MATN4: variants seen among roughly 807,000 people sequenced by gnomAD.
MATN4 encodes matrilin 4.
In MATN4, 40 loss-of-function variants were observed where a neutral mutation model predicts 54.6. That is an observed-to-expected ratio of 0.73 (90% CI 0.57 to 0.95). MATN4 has a LOEUF of 0.95. Among genes scored for constraint, MATN4 ranks in the 40% least tolerant of loss-of-function variants. The probability of loss-of-function intolerance (pLI) is 0.00; values close to 1 mark genes in which losing one functional copy is unlikely to be tolerated. For synonymous variants in MATN4, 351 were observed against 345.3 expected (o/e 1.02, Z -0.18); for missense variants, 810 against 819.1 (o/e 0.99, Z 0.13).
chr20:45,305,802 A>ATTTTTTTTTTTTTTTTT (rs1050722306), intron 1 of MATN4, among the ~76,000 whole-genome samples, 186 bp from the exon 2 acceptor site: 16 of 12,168 alleles, frequency 1.3e-3, no homozygotes, highest in Admixed American at 2.7e-3. Flanking sequence ...AACACAAGAG[A>ATTTTTTTTTTTTTTTTT]TTCTTTTTTT....
In MATN4 at chr20:45,304,348, G is replaced by A. The variant is rs188299540; in HGVS notation, c.523C>T (p.Arg175Cys). 211 of 1,506,794 alleles carry A rather than the reference G, an allele frequency of 1.4e-4. No individual in the cohort carries two copies. The highest frequency in any genetic ancestry group is 1.8e-4 in the Non-Finnish European group (205 of 1,128,444). The allele number at this position is 1,506,794 out of a possible 1,614,324, so 93.3% of individuals were successfully genotyped here. A position where few individuals can be genotyped will look rare whatever the true frequency, so the allele number is the denominator to read the frequency against. Residue 175 changes from arginine (R) to cysteine (C), a missense_variant, in exon 3 of 10, where the codon CGC (arginine) becomes TGC (cysteine). Physicochemically the swap from Arg to Cys is radical, Grantham distance 180 (BLOSUM62 -3). Transcript: ENST00000372756. ...GIEIYAVGVQ[R>C]ADVGSLRAMA... ...GCGCGCAGGGAGCCCACGTCCGCGC[G>A]CTGCACCCCCACCGCGTAAATTTCA...
intron 3 of MATN4, chr20:45,303,433 C>G: frequency 1.4e-6 from 1 of 717,182 alleles, no homozygotes; most frequent in South Asian, 1.5e-5. Context: ...GCCTGGGTTG[C>G]AGGTGCAGTG....
At chr20:45,299,832 C>T (rs530402964) in intron 6 of MATN4, among the ~76,000 whole-genome samples, 43 of 146,436 alleles carry the variant, frequency 2.9e-4, no homozygotes, top group African/African-American at 1.0e-3. Context: ...GAGCCGACAT[C>T]GCGCCACTGC....
At position 45,298,336 on chromosome 20, in the gene MATN4, G is replaced by A. The variant is rs1985994691; in HGVS notation, c.1260C>T (p.Arg420=). Residue 420 remains arginine (R), a synonymous_variant, in exon 7 of 10, where the codon CGC becomes CGT. Coordinates refer to ENST00000372756, the MANE Select transcript of MATN4 (RefSeq NM_001393530.1). The surrounding 1 kb of genome is among the most constrained non-coding windows in gnomAD (Gnocchi z 4.6). ...GCAACGCCAGCCCTGTCATGGTGCC[G>A]CGTTCCATGTACTCCACGGCCAGGA... ...QAVLAVEYME[R]GTMTGLALRH... is the part of the protein sequence containing the mutation. 1.2e-6 allele frequency: 2 copies of A among 1,613,540 alleles called. No homozygotes were observed. The highest frequency in any genetic ancestry group is 1.1e-5 in the South Asian group (1 of 91,068).
intron 9 of MATN4, 31 bp downstream of exon 9, chr20:45,293,877 T>G: frequency 6.2e-7 from 1 of 1,606,692 alleles, no homozygotes; most frequent in East Asian, 2.2e-5. Flanking sequence ...TCACTTTCCC[T>G]CCAGCCCGCG....
chr20:45,302,541 C>T (rs560508286), intron 3 of MATN4, among the ~76,000 whole-genome samples: 2 of 152,252 alleles, frequency 1.3e-5, no homozygotes, highest in East Asian at 1.9e-4. Flanking sequence ...GAGGCCAAGG[C>T]GGGAGGATCT....
chr20:45,297,846 G>A (rs1211328574), intron 8 of MATN4, 72 bp downstream of exon 8: 1 of 1,566,732 alleles, frequency 6.4e-7, no homozygotes, highest in Non-Finnish European at 8.8e-7. Flanking sequence ...TGGGCAGGGA[G>A]TGAATAGGAA....
intron 8 of MATN4, among the ~76,000 whole-genome samples, chr20:45,295,285 T>C (rs1985739214): frequency 6.6e-6 from 1 of 152,228 alleles, no homozygotes; most frequent in South Asian, 2.1e-4. Context: ...GTGTGGTCCT[T>C]GGACCAGCAG....
chr20:45,306,889 G>A, intron 1 of MATN4: 2 of 1,256,640 alleles, frequency 1.6e-6, no homozygotes, highest in Non-Finnish European at 2.0e-6. Flanking sequence ...TCCAGAGGGC[G>A]GCGGGTGAGC....
At chr20:45,294,145 G>C in intron 8 of MATN4, 130 bp from the exon 9 acceptor site, 1 of 690,726 alleles carries the variant, frequency 1.4e-6, no homozygotes, top group East Asian at 2.9e-5. Flanking sequence ...TGAGTCCCAA[G>C]CTAAGTAGCT....
intron 3 of MATN4, among the ~76,000 whole-genome samples, chr20:45,301,644 C>T (rs1186511056): frequency 1.3e-5 from 2 of 152,150 alleles, no homozygotes; most frequent in East Asian, 3.8e-4. Context: ...ATTTGAGCCT[C>T]CATTTTTCTA....
rs572094108 is a variant in MATN4, at chr20:45,298,043, C to T, written c.1454G>A (p.Gly485Asp). The T allele has an allele frequency of 6.2e-7, 1 of 1,613,666 alleles. No individual in the cohort carries two copies. Among genetic ancestry groups the T allele is most frequent in the East Asian group, 2.2e-5 (1 of 44,866 alleles). Residue 485 changes from glycine (G) to aspartate (D), a missense_variant, in exon 8 of 10, where the codon GGC becomes GAC. Gly to Asp is a moderately conservative substitution (Grantham distance 94). Coordinates refer to ENST00000372756, the MANE Select transcript of MATN4 (RefSeq NM_001393530.1). The surrounding 1 kb of genome is among the most constrained non-coding windows in gnomAD (Gnocchi z 4.6). ...GCGCAGCTCCGCCTCCACCGCCTTG[C>T]CCACGCCCACGGCGTACATGACGAT... is the stretch of plus-strand genomic sequence containing the variant. ...EGIVMYAVGV[G>D]KAVEAELREI...
chr20:45,304,412 G>C lies in MATN4; in HGVS notation c.459C>G (p.Arg153=), dbSNP rs751730807. Residue 153 remains arginine (R), a synonymous_variant, in exon 3 of 10, where the codon CGC becomes CGG. Coordinates refer to ENST00000372756, the MANE Select transcript of MATN4 (RefSeq NM_001393530.1). ...VIVTDGRPQD[R]VAEVAAQARA... ...GCGCCTGTGCCGCCACCTCGGCCAC[G>C]CGGTCCTGGGGCCGCCCGTCTGTCA... 2 of 1,507,666 alleles carry C rather than the reference G, an allele frequency of 1.3e-6. No individual in the cohort carries two copies. Among genetic ancestry groups the C allele is most frequent in the South Asian group, 2.6e-5 (2 of 75,996 alleles). 93.4% of individuals were successfully genotyped at this position (1,507,666 alleles called of 1,614,324 possible). A position where few individuals can be genotyped will look rare whatever the true frequency, so the allele number is the denominator to read the frequency against.
chr20:45,297,549 C>G (rs1424532967), intron 8 of MATN4, among the ~76,000 whole-genome samples: 1 of 152,142 alleles, frequency 6.6e-6, no homozygotes, highest in Non-Finnish European at 1.5e-5. Flanking sequence ...GCTCCACTTA[C>G]AAATGCTGTC....
chr20:45,303,058 G>A (rs1346036387), intron 3 of MATN4, among the ~76,000 whole-genome samples: 3 of 137,376 alleles, frequency 2.2e-5, no homozygotes, highest in Non-Finnish European at 4.6e-5. Flanking sequence ...ACTCCAGCTT[G>A]GGCAATAGAG....
At chr20:45,303,099 AAAAAAG>A (rs60974472) in intron 3 of MATN4, among the ~76,000 whole-genome samples, 7,099 of 142,464 alleles carry the variant, frequency 0.05, 359 homozygotes, top group African/African-American at 0.16. Context: ...AAAAAAAAAA[AAAAAAG>A]AGAGAGAGAA....
intron 1 of MATN4, among the ~76,000 whole-genome samples, chr20:45,307,525 G>A (rs538052583): frequency 6.6e-6 from 1 of 152,174 alleles, no homozygotes; most frequent in Non-Finnish European, 1.5e-5. Context: ...ACAGCATGAG[G>A]GCTAAGGCAC....
chr20:45,305,646 A>T, intron 1 of MATN4, 30 bp from the exon 2 acceptor site: 1 of 1,145,600 alleles, frequency 8.7e-7, no homozygotes, highest in Non-Finnish European at 1.3e-6. Flanking sequence ...TAGAAAAGCA[A>T]CAGTATTTAC....
chr20:45,308,415 G>C (rs1986941624), upstream of MATN4: 5 of 597,044 alleles, frequency 8.4e-6, no homozygotes, highest in Non-Finnish European at 1.5e-5. Flanking sequence ...CCTGAGGGGG[G>C]GCAAACCCAG....
Sources: gnomAD v4.1 joint callset for allele counts (sites outside exome capture counted in the v4.1 genomes callset) on GRCh38, gnomAD v4.1.1 for gene constraint, Gnocchi (gnomAD v3.1) non-coding constraint, MANE v1.5 for transcripts, NCBI Gene and HGNC (gene_info 2026-07-23, HGNC 2026-07-21) for gene names.